CHN2: variants seen among roughly 807,000 people sequenced by gnomAD.
CHN2 encodes the protein chimerin 2, also known as beta-chimaerin.
A neutral mutation model predicts 56.3 loss-of-function variants in CHN2; 35 were observed. That is an observed-to-expected ratio of 0.62 (90% CI 0.47 to 0.82). The LOEUF is 0.82. CHN2 is among the 40% of genes least tolerant of loss of function. The pLI, the probability that CHN2 is intolerant of heterozygous loss-of-function variation, is 0.00. For synonymous variants in CHN2, 210 were observed against 212.8 expected (o/e 0.99, Z 0.12); for missense variants, 491 against 580.5 (o/e 0.85, Z 1.58).
chr7:29,344,128 G>A (rs544489516), intron 1 of CHN2, among the ~76,000 whole-genome samples: 14 of 152,058 alleles, frequency 9.2e-5, no homozygotes, highest in African/African-American at 2.4e-4. Context: ...TGTCTTCTCC[G>A]TGTCCTTCAA....
chr7:29,486,920 T>G (rs916109312), intron 7 of CHN2, among the ~76,000 whole-genome samples: 6 of 152,210 alleles, frequency 3.9e-5, no homozygotes, highest in Non-Finnish European at 8.8e-5. Flanking sequence ...ATTTTTGCAT[T>G]CTTCTCAGTC....
At chr7:29,171,388 A>G (rs556858128) in intron 2 of CHN2, among the ~76,000 whole-genome samples, 4 of 152,354 alleles carry the variant, frequency 2.6e-5, no homozygotes, top group South Asian at 2.1e-4. Context: ...ATGTAATGGA[A>G]TAAACAACGG....
chr7:29,377,055 T>A (rs1321326004), intron 3 of CHN2, among the ~76,000 whole-genome samples: 1 of 152,220 alleles, frequency 6.6e-6, no homozygotes, highest in Non-Finnish European at 1.5e-5. Flanking sequence ...TGAGACAGAG[T>A]CTCACTCTGT....
chr7:29,186,516 A>G (rs375192934), intron 2 of CHN2: 1 of 151,258 alleles, frequency 6.6e-6, no homozygotes, highest in African/African-American at 2.4e-5. Context: ...AGGCTGTAGC[A>G]GTGAGCTGTG....
intron 2 of CHN2, among the ~76,000 whole-genome samples, chr7:29,165,001 A>G (rs1363548826): frequency 3.3e-5 from 5 of 151,982 alleles, no homozygotes; most frequent in Non-Finnish European, 7.4e-5. Flanking sequence ...GAGTTCTACA[A>G]CTTTATTCTT....
chr7:29,506,739 A>G (rs185135499), intron 10 of CHN2, among the ~76,000 whole-genome samples: 108 of 152,318 alleles, frequency 7.1e-4, no homozygotes, highest in African/African-American at 2.6e-3. Flanking sequence ...AGGAAGGATC[A>G]AGTTAAAAAC....
intron 1 of CHN2, among the ~76,000 whole-genome samples, chr7:29,225,383 T>C (rs1348199093): frequency 6.6e-6 from 1 of 152,138 alleles, no homozygotes; most frequent in African/African-American, 2.4e-5. Flanking sequence ...ATGTACGGAC[T>C]CTAAAAGAAA....
At chr7:29,319,952 C>T (rs1477429687) in intron 1 of CHN2, among the ~76,000 whole-genome samples, 4 of 152,110 alleles carry the variant, frequency 2.6e-5, no homozygotes, top group East Asian at 1.9e-4. Context: ...TCTGCATTTT[C>T]GTGACTCTTT....
rs565047907 is a variant in CHN2, at chr7:29,388,621, C to T, written c.145-5058C>T. 1.2e-3 allele frequency among the ~76,000 whole-genome samples: 181 copies of T among 152,270 alleles called. 1 individual carries two copies. The highest frequency in any genetic ancestry group is 2.0e-3 in the Non-Finnish European group (138 of 68,034). On this transcript the variant is annotated intron_variant, in intron 3 of 12. Coordinates refer to ENST00000222792, the MANE Select transcript of CHN2 (RefSeq NM_004067.4). ...CCACAGATCTGGCCTCAAACCTAGG[C>T]AGTTTGAGTCCAGAGCCTGCCGTCT...
intron 6 of CHN2, among the ~76,000 whole-genome samples, chr7:29,431,677 T>C (rs890428806): frequency 4.6e-5 from 7 of 152,118 alleles, no homozygotes; most frequent in Non-Finnish European, 8.8e-5. Context: ...TGGGAGTGAA[T>C]GGGGCAGGGG....
intron 1 of CHN2, among the ~76,000 whole-genome samples, chr7:29,221,321 C>T (rs1785774731): frequency 6.6e-6 from 1 of 152,098 alleles, no homozygotes; most frequent in Admixed American, 6.5e-5. Context: ...GTGACTTTAA[C>T]AAGAATGCTG....
At chr7:29,385,773 A>G (rs1299117145) in intron 3 of CHN2, among the ~76,000 whole-genome samples, 3 of 152,220 alleles carry the variant, frequency 2.0e-5, no homozygotes, top group African/African-American at 7.2e-5. Context: ...CTCTAATATT[A>G]TCACTGATAA....
chr7:29,294,994 C>T (rs886236186), intron 1 of CHN2, among the ~76,000 whole-genome samples: 2 of 152,070 alleles, frequency 1.3e-5, no homozygotes, highest in Non-Finnish European at 2.9e-5. Context: ...TCCCTGGACC[C>T]CCCACAGATA....
At chr7:29,233,228 C>A (rs1365179250) in intron 1 of CHN2, among the ~76,000 whole-genome samples, 1 of 152,210 alleles carries the variant, frequency 6.6e-6, no homozygotes, top group Non-Finnish European at 1.5e-5. Context: ...AATCATATCA[C>A]CTAACTCCTA....
chr7:29,508,027 T>C (rs1200654460), intron 11 of CHN2, among the ~76,000 whole-genome samples: 1 of 152,144 alleles, frequency 6.6e-6, no homozygotes, highest in Non-Finnish European at 1.5e-5. Context: ...TCAAAATGAA[T>C]AGAGGGCCAG....
chr7:29,168,485 A>G (rs1184341801), intron 2 of CHN2, among the ~76,000 whole-genome samples: 1 of 152,142 alleles, frequency 6.6e-6, no homozygotes. Context: ...TCTTTTTTGC[A>G]TCTGTAATCT....
Position 29,294,747 on chromosome 7 carries a change from G to C in CHN2, c.50-59878G>C, listed in dbSNP as rs149214823. 8.5e-5 allele frequency among the ~76,000 whole-genome samples: 13 copies of C among 152,314 alleles called. No individual in the cohort carries two copies. In the East Asian group the frequency reaches 2.5e-3, roughly 29 times the overall value. The stretch of plus-strand genomic sequence containing the variant: ...TTTTCCCCACACGTGTCAGCACATT[G>C]AGTGCACACAGCACCATCCCCTCCC... On this transcript the variant is annotated intron_variant, in intron 1 of 12. Transcript: ENST00000222792.
intron 3 of CHN2, among the ~76,000 whole-genome samples, chr7:29,383,353 G>A (rs1800671257): frequency 6.6e-6 from 1 of 152,188 alleles, no homozygotes; most frequent in Middle Eastern, 3.4e-3. Context: ...GAATACCAAG[G>A]GCAGGAGAAG....
At chr7:29,215,651 G>A (rs969270570) in intron 1 of CHN2, among the ~76,000 whole-genome samples, 4 of 151,908 alleles carry the variant, frequency 2.6e-5, no homozygotes, top group African/African-American at 9.7e-5. Flanking sequence ...TCCAGGGCAA[G>A]GATTTGCTTC....
Sources: gnomAD v4.1 joint callset for allele counts (sites outside exome capture counted in the v4.1 genomes callset) on GRCh38, gnomAD v4.1.1 for gene constraint, MANE v1.5 for transcripts, NCBI Gene and HGNC (gene_info 2026-07-23, HGNC 2026-07-21) for gene names.